The following SERPINB13 variants were observed in gnomAD, a reference collection of about 807,000 sequenced individuals.
SERPINB13 encodes serpin family B member 13, also known as serpin B13.
SERPINB13 carries 26 observed loss-of-function variants against 31.2 expected under a neutral mutation model. The ratio of observed to expected loss-of-function variants is 0.83; its 90% confidence interval spans 0.61 to 1.15. The LOEUF is 1.15. Ranked by LOEUF, SERPINB13 falls within the 50% of genes most tolerant of loss-of-function variation. The pLI, the probability that SERPINB13 is intolerant of heterozygous loss-of-function variation, is 0.00. For missense variants in SERPINB13, 510 were observed against 469.4 expected (o/e 1.09, Z -0.80); for synonymous variants, 191 against 172.4 (o/e 1.11, Z -0.85).
rs556052857 is a variant in SERPINB13 at position 63,597,307 on chromosome 18, A to G, written c.1120A>G (p.Ile374Val). ...VHCNHPFLFFIRHNESNSILF... is the reference protein window; with the variant it reads ...VHCNHPFLFFVRHNESNSILF... Reference sequence around the variant, plus strand: ...CTGCAATCATCCCTTCCTGTTCTTCATCAGGCACAATGAATCCAACAGCAT... The same window carrying G: ...CTGCAATCATCCCTTCCTGTTCTTCGTCAGGCACAATGAATCCAACAGCAT... The change falls in exon 8 of 8, where the codon ATC becomes GTC. Residue 374 changes from isoleucine to valine, a missense_variant. Transcript: ENST00000344731. 5 of 1,614,134 alleles carry G rather than the reference A, an allele frequency of 3.1e-6. No individual in the cohort carries two copies. The highest frequency in any genetic ancestry group is 4.2e-6 in the Non-Finnish European group (5 of 1,180,038).
Position 63,597,409 on chromosome 18 carries a change from C to A in SERPINB13, c.*46C>A, listed in dbSNP as rs1285256135. 1 of 1,542,210 alleles carries A rather than the reference C, an allele frequency of 6.5e-7. No homozygotes were observed. The highest frequency in any genetic ancestry group is 2.3e-5 in the East Asian group (1 of 44,290). Reference sequence around the variant, plus strand: ...TGCTGCTTTTAGCAAAAAACAACTACCAGTGTTACTCATATGATTATGAAA... The same window carrying A: ...TGCTGCTTTTAGCAAAAAACAACTAACAGTGTTACTCATATGATTATGAAA... On this transcript the variant is annotated 3_prime_UTR_variant, in exon 8 of 8. Coordinates refer to ENST00000344731, the MANE Select transcript of SERPINB13 (RefSeq NM_012397.4).
chr18:63,594,812 C>T lies in SERPINB13; in HGVS notation c.616-217C>T, dbSNP rs189286126. Among the ~76,000 whole-genome samples the T allele has an allele frequency of 3.0e-3, 456 of 152,254 alleles. 3 individuals are homozygous for T. The highest frequency in any genetic ancestry group is 0.013 in the South Asian group (61 of 4,826). On this transcript the variant is annotated intron_variant, in intron 6 of 7. Transcript: ENST00000344731. The stretch of plus-strand genomic sequence containing the variant: ...CAAGATCATGCCACTGCACTCCAGC[C>T]TGGTGACAGAGTGAGACTCCATCCC...
At chr18:63,596,736 A>T (rs763494467) in intron 7 of SERPINB13, among the ~76,000 whole-genome samples, 1 of 152,216 alleles carries the variant, frequency 6.6e-6, no homozygotes, top group Non-Finnish European at 1.5e-5. Flanking sequence ...TTAATCTTTA[A>T]AAATGTATTC....
In SERPINB13 at chr18:63,592,990, A is replaced by T; in HGVS notation, c.472+19A>T. On this transcript the variant is annotated intron_variant, in intron 5 of 7. Transcript: ENST00000344731. ...ACAAATGGTAGAGTATGGGTGGGTC[A>T]TTCATTGCAAAAAAACAAAAACAAA... 2 of 1,431,832 alleles carry T rather than the reference A, an allele frequency of 1.4e-6. No homozygotes were observed. The highest frequency in any genetic ancestry group is 2.9e-5 in the African/African-American group (2 of 69,484). 88.7% of individuals were successfully genotyped at this position (1,431,832 alleles called of 1,614,324 possible).
Position 63,598,078 on chromosome 18 carries a change from A to G in SERPINB13, c.*715A>G, listed in dbSNP as rs1912292040. 6.6e-6 allele frequency: 1 copy of G among 151,798 alleles called. No homozygotes were observed. The highest frequency in any genetic ancestry group is 1.5e-5 in the Non-Finnish European group (1 of 67,940). 9.4% of individuals were successfully genotyped at this position (151,798 alleles called of 1,614,324 possible). A position where few individuals can be genotyped will look rare whatever the true frequency, so the allele number is the denominator to read the frequency against. ...GTAAATATTTGGACTAACTTTTAGA[A>G]AAGTTTCCCTTTTTTTCTCCATTTA... On this transcript the variant is annotated 3_prime_UTR_variant, in exon 8 of 8. Coordinates refer to ENST00000344731, the MANE Select transcript of SERPINB13 (RefSeq NM_012397.4).
At position 63,595,103 on chromosome 18, in the gene SERPINB13, C is replaced by G. The variant is rs1912086539; in HGVS notation, c.690C>G (p.Ala230=). Residue 230 remains alanine, a synonymous_variant, in exon 7 of 8, where the codon GCC becomes GCG. Coordinates refer to ENST00000344731, the MANE Select transcript of SERPINB13 (RefSeq NM_012397.4). ...FSFTFLEDLQ[A]KILGIPYKNN... is the part of the protein sequence containing the mutation. ...TCACTTTCCTGGAGGACTTGCAGGC[C>G]AAAATTCTAGGGATTCCATATAAAA... The G allele has an allele frequency of 6.2e-7, 1 of 1,613,950 alleles. No individual in the cohort carries two copies. The highest frequency in any genetic ancestry group is 1.1e-5 in the South Asian group (1 of 91,060).
chr18:63,593,725 ATGCT>A (rs1911990677), intron 5 of SERPINB13, among the ~76,000 whole-genome samples: 1 of 151,468 alleles, frequency 6.6e-6, no homozygotes, highest in Non-Finnish European at 1.5e-5. Flanking sequence ...TTTTCCCCTC[ATGCT>A]TGGTCTGAAG....
intron 5 of SERPINB13, 46 bp from the exon 6 acceptor site, chr18:63,594,309 G>C: frequency 6.2e-7 from 1 of 1,611,490 alleles, no homozygotes; most frequent in South Asian, 1.1e-5. Flanking sequence ...CATATTATTT[G>C]TCATTTGGAA....
intron 2 of SERPINB13, 42 bp from the exon 3 acceptor site, chr18:63,589,614 C>T (rs1224367748): frequency 2.5e-6 from 4 of 1,601,764 alleles, no homozygotes; most frequent in Middle Eastern, 1.7e-4. Flanking sequence ...GTGAGGTTTT[C>T]TCTTCTCTGA....
chr18:63,593,014 A>G (rs748445984), intron 5 of SERPINB13, 43 bp downstream of exon 5: 1 of 1,281,562 alleles, frequency 7.8e-7, no homozygotes, highest in Non-Finnish European at 1.1e-6. Context: ...AACAAAAACA[A>G]AGAAACAAAC....
rs186162786 is a variant in SERPINB13 at position 63,587,986 on chromosome 18, C to T, written c.-18+536C>T. ...ACAGAAAAGTATAAAAAAGAAAACC[C>T]TTTCATCTCCACCTAATAATTCATG... On this transcript the variant is annotated intron_variant, in intron 1 of 7. Coordinates refer to ENST00000344731, the MANE Select transcript of SERPINB13 (RefSeq NM_012397.4). 2.2e-3 allele frequency among the ~76,000 whole-genome samples: 330 copies of T among 152,306 alleles called. 4 individuals carry two copies. Among genetic ancestry groups the T allele is most frequent in the Admixed American group, 3.8e-3 (58 of 15,298 alleles).
rs753944799 is a variant in SERPINB13 at position 63,597,312 on chromosome 18, G to A, written c.1125G>A (p.Arg375=). 16 of 1,613,914 alleles carry A rather than the reference G, an allele frequency of 9.9e-6. No individual in the cohort carries two copies. The highest frequency in any genetic ancestry group is 1.4e-5 in the Non-Finnish European group (16 of 1,180,024). ...ATCATCCCTTCCTGTTCTTCATCAGGCACAATGAATCCAACAGCATCCTCT... is the reference window on the plus strand; with the variant it reads ...ATCATCCCTTCCTGTTCTTCATCAGACACAATGAATCCAACAGCATCCTCT... The part of the protein sequence containing the change: ...HCNHPFLFFI[R]HNESNSILFF... Residue 375 remains arginine (R), a synonymous_variant, in exon 8 of 8, where the codon AGG becomes AGA. Coordinates refer to ENST00000344731, the MANE Select transcript of SERPINB13 (RefSeq NM_012397.4).
At chr18:63,591,457 T>A (rs1397765034) in intron 3 of SERPINB13, among the ~76,000 whole-genome samples, 5 of 150,930 alleles carry the variant, frequency 3.3e-5, no homozygotes, top group Non-Finnish European at 7.4e-5. Context: ...TTTTCTTTCC[T>A]TCCTTCCTTC....
intron 2 of SERPINB13, 146 bp from the exon 3 acceptor site, chr18:63,589,510 C>T: frequency 1.0e-6 from 1 of 979,780 alleles, no homozygotes; most frequent in Non-Finnish European, 1.5e-6. Flanking sequence ...GAGGTAAACG[C>T]AGACCTTTTT....
At position 63,594,479 on chromosome 18, in the gene SERPINB13, G is replaced by T. The variant is rs377348890; in HGVS notation, c.597G>T (p.Glu199Asp). 4.2e-5 allele frequency: 67 copies of T among 1,613,830 alleles called. No homozygotes were observed. Among genetic ancestry groups the T allele is most frequent in the East Asian group, 1.3e-4 (6 of 44,894 alleles). Reference sequence around the variant, plus strand: ...TTAAGAAAGAAAATACTAAGGAAGAGAAATTTTGGATGAATAAGGTATGGC... The same window carrying T: ...TTAAGAAAGAAAATACTAAGGAAGATAAATTTTGGATGAATAAGGTATGGC... ...REFKKENTKE[E>D]KFWMNKSTSK... Residue 199 changes from glutamate (E) to aspartate (D), a missense_variant, in exon 6 of 8, where the codon GAG becomes GAT. By Grantham distance (45) the Glu-to-Asp change is conservative. Coordinates refer to ENST00000344731, the MANE Select transcript of SERPINB13 (RefSeq NM_012397.4).
rs781119380 is a variant in SERPINB13 at position 63,588,746 on chromosome 18, A to T, written c.79A>T (p.Ile27Phe). The T allele has an allele frequency of 7.2e-5, 117 of 1,614,038 alleles. No homozygotes were observed. The highest frequency in any genetic ancestry group is 9.7e-5 in the Non-Finnish European group (114 of 1,180,020). The change falls in exon 2 of 8, where the codon ATC becomes TTC. Residue 27 changes from isoleucine (I) to phenylalanine (F), a missense_variant. Ile to Phe is a conservative substitution (Grantham distance 21). Transcript: ENST00000344731. ...GCTGAAGAAAACAAATGATGGCAAC[A>T]TCTTCTTTTCCCCTGTGGGCATCTT... ...KELKKTNDGN[I>F]FFSPVGILTA...
intron 2 of SERPINB13, 76 bp from the exon 3 acceptor site, chr18:63,589,580 C>T: frequency 6.5e-7 from 1 of 1,543,696 alleles, no homozygotes. Flanking sequence ...TCAGAAGCGT[C>T]CACTCTCCCC....
At chr18:63,593,045 C>A (rs2144400828) in intron 5 of SERPINB13, 74 bp downstream of exon 5, 3 of 955,060 alleles carry the variant, frequency 3.1e-6, no homozygotes, top group Non-Finnish European at 4.9e-6. Context: ...CACTTCTTGA[C>A]AACCTGCTGT....
intron 7 of SERPINB13, among the ~76,000 whole-genome samples, chr18:63,595,551 T>G (rs1248308508): frequency 1.3e-5 from 2 of 152,216 alleles, no homozygotes; most frequent in Non-Finnish European, 1.5e-5. Flanking sequence ...GCTTTTGAAT[T>G]TCTTTCTTAC....
Sources: allele counts gnomAD v4.1 joint callset (sites outside exome capture counted in the v4.1 genomes callset), GRCh38; gene constraint gnomAD v4.1.1; transcripts MANE v1.5; gene names NCBI Gene and HGNC (gene_info 2026-07-23, HGNC 2026-07-21).